The following TENM3 variants were observed in gnomAD, a reference collection of about 807,000 sequenced individuals.
TENM3 encodes teneurin transmembrane protein 3.
TENM3 carries 63 observed loss-of-function variants against 255.1 expected under a neutral mutation model. That is an observed-to-expected ratio of 0.25 (90% confidence interval 0.20 to 0.30). The LOEUF is 0.30. Ranked by LOEUF, TENM3 falls within the 10% of genes least tolerant of loss-of-function variation. The pLI, the probability that TENM3 is intolerant of heterozygous loss-of-function variation, is 1.00. For missense variants in TENM3, 2,929 were observed against 3,461.1 expected, an observed-to-expected ratio of 0.85 and a Z score of 3.86; for synonymous variants, 1,306 against 1,322.3, an observed-to-expected ratio of 0.99 and a Z score of 0.27.
chr4:181,988,756 A>T, the TENM3 span, among the ~76,000 whole-genome samples: 2 of 151,766 alleles, frequency 1.3e-5, no homozygotes, highest in Non-Finnish European at 2.9e-5. Flanking sequence ...CATGGGTATG[A>T]TTATTTAGTA....
intron 1 of TENM3, among the ~76,000 whole-genome samples, chr4:182,294,233 C>T (rs143624143): frequency 6.6e-6 from 1 of 152,196 alleles, no homozygotes; most frequent in African/African-American, 2.4e-5. Flanking sequence ...AATCAGCCTG[C>T]GAGATTCGTG....
chr4:182,146,221 G>T (rs984606347), intron 1 of TENM3, among the ~76,000 whole-genome samples: 1 of 152,126 alleles, frequency 6.6e-6, no homozygotes, highest in Non-Finnish European at 1.5e-5. Context: ...CTTGCTTTGT[G>T]CATTCCTTAA....
At chr4:181,932,003 T>C in the TENM3 span, among the ~76,000 whole-genome samples, 1 of 152,170 alleles carries the variant, frequency 6.6e-6, no homozygotes, top group Non-Finnish European at 1.5e-5. Context: ...TTACATTTTA[T>C]ACAAAAATTA....
At chr4:182,770,430 GC>G (rs1764102668) in intron 22 of TENM3, among the ~76,000 whole-genome samples, 2 of 152,062 alleles carry the variant, frequency 1.3e-5, no homozygotes, top group Admixed American at 1.3e-4. Flanking sequence ...CCTCAGCCGG[GC>G]CCCTGCACCC....
chr4:182,105,447 C>T, the TENM3 span, among the ~76,000 whole-genome samples: 2 of 152,246 alleles, frequency 1.3e-5, no homozygotes, highest in South Asian at 2.1e-4. Context: ...GAGGGATTCC[C>T]GAAACCATCA....
At chr4:182,595,074 T>C (rs1747072326) in intron 3 of TENM3, among the ~76,000 whole-genome samples, 1 of 152,160 alleles carries the variant, frequency 6.6e-6, no homozygotes, top group Admixed American at 6.5e-5. Flanking sequence ...TTAGCTCCTT[T>C]AAACAAGCAC....
At chr4:182,549,589 C>G (rs183378069) in intron 3 of TENM3, among the ~76,000 whole-genome samples, 3 of 152,134 alleles carry the variant, frequency 2.0e-5, no homozygotes, top group African/African-American at 4.8e-5. Flanking sequence ...ACCCATTGTT[C>G]GAGTCACGCT....
chr4:182,622,895 T>C (rs1246036798), intron 4 of TENM3, among the ~76,000 whole-genome samples: 1 of 152,210 alleles, frequency 6.6e-6, no homozygotes, highest in Non-Finnish European at 1.5e-5. Flanking sequence ...AGACAAACCA[T>C]AGATGATTTG....
At chr4:182,101,931 A>C in the TENM3 span, among the ~76,000 whole-genome samples, 1 of 152,162 alleles carries the variant, frequency 6.6e-6, no homozygotes, top group African/African-American at 2.4e-5. Flanking sequence ...ATTGATTTTC[A>C]GGTAGAAGAG....
At chr4:182,507,604 C>CT (rs1296377740) in intron 3 of TENM3, among the ~76,000 whole-genome samples, 1 of 152,138 alleles carries the variant, frequency 6.6e-6, no homozygotes, top group East Asian at 1.9e-4. Context: ...AGAGAGAACA[C>CT]TAAATTGTCA....
At chr4:181,474,322 ATTTTT>A in the TENM3 span, among the ~76,000 whole-genome samples, 2 of 152,088 alleles carry the variant, frequency 1.3e-5, no homozygotes, top group Non-Finnish European at 2.9e-5. Context: ...ATGATAAAAA[ATTTTT>A]TTTAAAGACT....
chr4:182,398,947 A>G (rs1265859966), intron 3 of TENM3, among the ~76,000 whole-genome samples: 1 of 152,174 alleles, frequency 6.6e-6, no homozygotes, highest in Non-Finnish European at 1.5e-5. Context: ...AGTTGAGTTC[A>G]CTCAGTAAAA....
the TENM3 span, among the ~76,000 whole-genome samples, chr4:181,528,663 C>T: frequency 2.0e-5 from 3 of 152,208 alleles, no homozygotes; most frequent in African/African-American, 7.2e-5. Context: ...GAAAGTGAGG[C>T]TGAGGGAGGT....
chr4:182,713,579 T>G (rs1454507231), intron 12 of TENM3, among the ~76,000 whole-genome samples: 1 of 152,250 alleles, frequency 6.6e-6, no homozygotes, highest in Non-Finnish European at 1.5e-5. Context: ...CAGATAAAAT[T>G]AATGTTCTCT....
At chr4:181,605,133 C>T in the TENM3 span, among the ~76,000 whole-genome samples, 1 of 151,858 alleles carries the variant, frequency 6.6e-6, no homozygotes, top group Non-Finnish European at 1.5e-5. Flanking sequence ...GAAAGAAATA[C>T]GTAAGGGACC....
chr4:182,691,945 A>G (rs1280774321), intron 12 of TENM3, among the ~76,000 whole-genome samples: 2 of 152,238 alleles, frequency 1.3e-5, no homozygotes, highest in Non-Finnish European at 2.9e-5. Flanking sequence ...TGACCATTCC[A>G]TATAAGCTTC....
At chr4:182,517,915 G>A (rs546181958) in intron 3 of TENM3, among the ~76,000 whole-genome samples, 1 of 152,060 alleles carries the variant, frequency 6.6e-6, no homozygotes, top group African/African-American at 2.4e-5. Flanking sequence ...GAAACCACAC[G>A]TTAATCTACC....
At chr4:181,581,466 C>T in the TENM3 span, among the ~76,000 whole-genome samples, 3 of 151,838 alleles carry the variant, frequency 2.0e-5, no homozygotes, top group Non-Finnish European at 4.4e-5. Context: ...CAAAACAAAA[C>T]AAACACCCAC....
At chr4:182,780,129 GCA>G (rs1765049638) in intron 24 of TENM3, among the ~76,000 whole-genome samples, 1 of 152,028 alleles carries the variant, frequency 6.6e-6, no homozygotes, top group African/African-American at 2.4e-5. Context: ...AAGTCCTTGC[GCA>G]TGCCTATGTC....
Sources: gnomAD v4.1 joint callset for allele counts (sites outside exome capture counted in the v4.1 genomes callset) on GRCh38, gnomAD v4.1.1 for gene constraint, MANE v1.5 for transcripts, NCBI Gene and HGNC (gene_info 2026-07-23, HGNC 2026-07-21) for gene names.